Variants in RYR3 observed in about 807,000 individuals in gnomAD.
The protein encoded by RYR3 is ryanodine receptor 3, also known as brain ryanodine receptor-calcium release channel.
In RYR3, 207 loss-of-function variants were observed where a neutral mutation model predicts 584.3. That is an observed-to-expected ratio of 0.35 (90% CI 0.32 to 0.40). RYR3 has a LOEUF of 0.40. RYR3 is among the 10% of genes least tolerant of loss of function. The pLI is 1.00. For missense variants in RYR3, 5,616 were observed against 6,089.2 expected, an observed-to-expected ratio of 0.92 and a Z score of 2.59; for synonymous variants, 2,416 against 2,248.5, an observed-to-expected ratio of 1.07 and a Z score of -2.11.
intron 27 of RYR3, among the ~76,000 whole-genome samples, chr15:33,639,448 C>CT (rs1237224740): frequency 2.0e-5 from 3 of 152,196 alleles, no homozygotes; most frequent in Non-Finnish European, 4.4e-5. Context: ...AACCACATAG[C>CT]ATCTCTCTTC....
chr15:33,318,252 T>C (rs1259322769), intron 1 of RYR3, among the ~76,000 whole-genome samples: 1 of 152,240 alleles, frequency 6.6e-6, no homozygotes. Flanking sequence ...GCCAGTATTA[T>C]GAGCAAGGCA....
At chr15:33,692,652 T>C (rs2065522623) in intron 38 of RYR3, among the ~76,000 whole-genome samples, 1 of 151,220 alleles carries the variant, frequency 6.6e-6, no homozygotes, top group Non-Finnish European at 1.5e-5. Context: ...TACTTCAGCT[T>C]GGTCACACAT....
intron 11 of RYR3, 48 bp from the exon 12 acceptor site, chr15:33,566,630 T>C (rs1257298433): frequency 6.2e-7 from 1 of 1,604,412 alleles, no homozygotes; most frequent in Admixed American, 1.7e-5. Flanking sequence ...ACTGCCCATA[T>C]GTGGAATAAT....
At chr15:33,703,693 G>A (rs2066470099) in intron 42 of RYR3, among the ~76,000 whole-genome samples, 1 of 152,164 alleles carries the variant, frequency 6.6e-6, no homozygotes, top group Non-Finnish European at 1.5e-5. Flanking sequence ...AGAGGGGTTT[G>A]TCTTTGAGTT....
chr15:33,342,195 C>G (rs1971904730), intron 1 of RYR3, among the ~76,000 whole-genome samples: 1 of 152,236 alleles, frequency 6.6e-6, no homozygotes, highest in Admixed American at 6.5e-5. Flanking sequence ...CACATGAGCA[C>G]TCCTGCTGGG....
chr15:33,384,672 A>G (rs1387030303), intron 1 of RYR3, among the ~76,000 whole-genome samples: 1 of 68,674 alleles, frequency 1.5e-5, no homozygotes, highest in African/African-American at 5.2e-5. Context: ...TACTTCACAT[A>G]CTTACCATTT....
intron 1 of RYR3, among the ~76,000 whole-genome samples, chr15:33,333,773 A>T (rs1191452078): frequency 6.6e-6 from 1 of 152,200 alleles, no homozygotes; most frequent in Non-Finnish European, 1.5e-5. Context: ...TGCAGACAAC[A>T]TGTTCCTATA....
At chr15:33,480,763 C>A (rs1274571484) in intron 2 of RYR3, among the ~76,000 whole-genome samples, 1 of 152,088 alleles carries the variant, frequency 6.6e-6, no homozygotes, top group Admixed American at 6.5e-5. Context: ...TTTTATGGCC[C>A]AGCATATGGT....
intron 10 of RYR3, among the ~76,000 whole-genome samples, chr15:33,553,813 C>T (rs1432403337): frequency 6.6e-6 from 1 of 152,150 alleles, no homozygotes; most frequent in Non-Finnish European, 1.5e-5. Context: ...CTCTGTGAGA[C>T]CTGGAACACA....
chr15:33,628,332 T>G, intron 20 of RYR3, 139 bp from the exon 21 acceptor site: 3 of 598,974 alleles, frequency 5.0e-6, no homozygotes, highest in African/African-American at 1.9e-5. Context: ...CTGGGGAGCA[T>G]GTGGGTCAGG....
At chr15:33,775,109 T>A (rs1006321675) in intron 64 of RYR3, among the ~76,000 whole-genome samples, 3 of 152,176 alleles carry the variant, frequency 2.0e-5, no homozygotes, top group Non-Finnish European at 4.4e-5. Flanking sequence ...CTTTCTATCC[T>A]TTATTCATGG....
At chr15:33,777,901 G>A (rs1220354201) in intron 64 of RYR3, among the ~76,000 whole-genome samples, 1 of 152,202 alleles carries the variant, frequency 6.6e-6, no homozygotes, top group Non-Finnish European at 1.5e-5. Context: ...AGGACGCGGT[G>A]GCTCACGCCT....
chr15:33,621,680 T>C (rs1337174847), intron 19 of RYR3, among the ~76,000 whole-genome samples: 1 of 152,196 alleles, frequency 6.6e-6, no homozygotes, highest in Admixed American at 6.5e-5. Flanking sequence ...CTGGGAGGTT[T>C]AGTATGATTT....
chr15:33,646,327 G>A, intron 28 of RYR3, 24 bp from the exon 29 acceptor site: 1 of 1,575,238 alleles, frequency 6.3e-7, no homozygotes. Context: ...GGTATGTCAA[G>A]GTAAGGACTC....
At chr15:33,511,550 TG>T (rs1226711412) in intron 3 of RYR3, among the ~76,000 whole-genome samples, 1 of 151,724 alleles carries the variant, frequency 6.6e-6, no homozygotes, top group Non-Finnish European at 1.5e-5. Context: ...TGTCATGAAC[TG>T]GGCCTTTCAC....
intron 1 of RYR3, among the ~76,000 whole-genome samples, chr15:33,323,948 A>G (rs1969351246): frequency 6.6e-6 from 1 of 152,182 alleles, no homozygotes; most frequent in South Asian, 2.1e-4. Flanking sequence ...AATGCAGATT[A>G]GAAGGCAGGT....
At chr15:33,505,718 TC>T (rs1319724149) in intron 3 of RYR3, among the ~76,000 whole-genome samples, 1 of 152,202 alleles carries the variant, frequency 6.6e-6, no homozygotes, top group Non-Finnish European at 1.5e-5. Context: ...GGTCTTGATC[TC>T]CTGACCTCGT....
At chr15:33,462,169 C>T (rs2048091092) in intron 1 of RYR3, among the ~76,000 whole-genome samples, 1 of 152,182 alleles carries the variant, frequency 6.6e-6, no homozygotes, top group African/African-American at 2.4e-5. Flanking sequence ...ATTTCATTAA[C>T]ATCTACTAAC....
chr15:33,793,776 G>T (rs1488898514), intron 67 of RYR3, among the ~76,000 whole-genome samples: 1 of 151,312 alleles, frequency 6.6e-6, no homozygotes, highest in Non-Finnish European at 1.5e-5. Context: ...TTCTGCCATG[G>T]GCAAGAAATG....
Sources: allele counts gnomAD v4.1 joint callset (sites outside exome capture counted in the v4.1 genomes callset), GRCh38; gene constraint gnomAD v4.1.1; transcripts MANE v1.5; gene names NCBI Gene and HGNC (gene_info 2026-07-23, HGNC 2026-07-21).